Variants in RBFOX3 observed in about 807,000 individuals in gnomAD.
RBFOX3 encodes the protein RNA binding protein fox-1 homolog 3.
A neutral mutation model predicts 48.7 loss-of-function variants in RBFOX3; 17 were observed. The observed-to-expected ratio is 0.35, with a 90% CI of 0.24 to 0.52. The LOEUF is 0.52. RBFOX3 is among the 20% of genes least tolerant of loss of function. RBFOX3 has a pLI of 0.94. For synonymous variants in RBFOX3, 212 were observed against 209.5 expected (o/e 1.01, Z -0.10); for missense variants, 382 against 497.5 (o/e 0.77, Z 2.21).
At chr17:79,102,447 A>G (rs2076624059) in intron 8 of RBFOX3, among the ~76,000 whole-genome samples, 1 of 152,142 alleles carries the variant, frequency 6.6e-6, no homozygotes, top group South Asian at 2.1e-4. Flanking sequence ...GGGCTCTGTC[A>G]TGGTGGCTGG....
At chr17:79,169,014 A>G (rs9908233) in intron 4 of RBFOX3, among the ~76,000 whole-genome samples, 8,842 of 152,244 alleles carry the variant, frequency 0.058, 279 homozygotes, top group East Asian at 0.17. Context: ...AAACACGCAC[A>G]CTGGCTCTCG....
chr17:79,106,660 T>A lies in RBFOX3; in HGVS notation c.351A>T (p.Gln117His), dbSNP rs1030970508. The A allele has an allele frequency of 6.8e-7, 1 of 1,479,904 alleles. No individual in the cohort carries two copies. The highest frequency in any genetic ancestry group is 1.5e-5 in the African/African-American group (1 of 67,786). The allele number at this position is 1,479,904 out of a possible 1,614,324, so 91.7% of individuals were successfully genotyped here. A position where few individuals can be genotyped will look rare whatever the true frequency, so the allele number is the denominator to read the frequency against. ...GGCCGCGCACACTCACCCCGAACAT[T>A]TGCCGCAAGTCGGGGTCCCTGAACC... ...PFRFRDPDLRQMFGQFGKILD... is the reference protein window; with the variant it reads ...PFRFRDPDLRHMFGQFGKILD... The change falls in exon 6 of 15, where the codon CAA (glutamine) becomes CAT (histidine). Residue 117 changes from glutamine to histidine, a missense_variant. By Grantham distance (24) the Gln-to-His change is conservative (BLOSUM62 0). This residue lies in a region of RBFOX3 where 49 missense variants were observed against 110.7 expected (regional missense o/e 0.44). Coordinates refer to ENST00000693108, the MANE Select transcript of RBFOX3 (RefSeq NM_001350451.2).
intron 1 of RBFOX3, among the ~76,000 whole-genome samples, chr17:79,539,349 C>T (rs539802019): frequency 6.6e-6 from 1 of 152,160 alleles, no homozygotes; most frequent in South Asian, 2.1e-4. Flanking sequence ...GAGACCTTGT[C>T]TCAAAGATAA....
intron 3 of RBFOX3, among the ~76,000 whole-genome samples, chr17:79,281,489 C>T (rs1031517850): frequency 4.0e-5 from 6 of 151,734 alleles, no homozygotes; most frequent in African/African-American, 9.7e-5. Context: ...GAAGGAGCCA[C>T]GGGCTTGTGG....
chr17:79,493,922 G>T (rs35103349), intron 1 of RBFOX3, among the ~76,000 whole-genome samples: 1 of 151,888 alleles, frequency 6.6e-6, no homozygotes, highest in Non-Finnish European at 1.5e-5. Flanking sequence ...TGGGGGAGGA[G>T]GTGGAGAAGG....
At chr17:79,512,290 GGGTAC>G in intron 1 of RBFOX3, among the ~76,000 whole-genome samples, 1 of 133,416 alleles carries the variant, frequency 7.5e-6, no homozygotes, top group African/African-American at 2.8e-5. Flanking sequence ...TATTACCATC[GGGTAC>G]AGCCCCATGG....
chr17:79,135,134 T>A (rs1266730163), intron 4 of RBFOX3: 2 of 152,230 alleles, frequency 1.3e-5, no homozygotes, highest in African/African-American at 4.8e-5. Context: ...GGGCAGCAGG[T>A]GCTCTCTGCT....
At chr17:79,456,757 G>A (rs2074565976) in intron 2 of RBFOX3, among the ~76,000 whole-genome samples, 1 of 152,152 alleles carries the variant, frequency 6.6e-6, no homozygotes, top group Non-Finnish European at 1.5e-5. Context: ...GCCTGCCTCT[G>A]CCCACCCTGG....
At chr17:79,605,816 T>C (rs2093816396) in intron 1 of RBFOX3, among the ~76,000 whole-genome samples, 1 of 152,176 alleles carries the variant, frequency 6.6e-6, no homozygotes, top group South Asian at 2.1e-4. Context: ...CAACTCAAGT[T>C]GACGCCAGCA....
chr17:79,612,616 C>T (rs1271050510), upstream of RBFOX3, among the ~76,000 whole-genome samples: 3 of 152,214 alleles, frequency 2.0e-5, no homozygotes, highest in African/African-American at 7.2e-5. Context: ...TATACAATTC[C>T]AAGCATACAG....
chr17:79,439,973 G>C (rs532320803), intron 2 of RBFOX3, among the ~76,000 whole-genome samples: 7 of 152,316 alleles, frequency 4.6e-5, no homozygotes, highest in African/African-American at 1.7e-4. Context: ...GAAGGAGGAC[G>C]CAGGAATGGC....
chr17:79,368,189 T>G (rs1352670834), intron 2 of RBFOX3, among the ~76,000 whole-genome samples: 1 of 152,194 alleles, frequency 6.6e-6, no homozygotes, highest in Non-Finnish European at 1.5e-5. Flanking sequence ...CAGAACAACT[T>G]TTCCCCTCTC....
At chr17:79,408,444 A>C (rs1432674774) in intron 2 of RBFOX3, among the ~76,000 whole-genome samples, 4 of 152,212 alleles carry the variant, frequency 2.6e-5, no homozygotes, top group African/African-American at 9.6e-5. Context: ...AGATCTGAGC[A>C]GGATGGGGGC....
Position 79,405,847 on chromosome 17 carries a change from A to C in RBFOX3, c.-175+76607T>G, listed in dbSNP as rs1598553736. Among the ~76,000 whole-genome samples, 4 of 152,272 alleles carry C rather than the reference A, an allele frequency of 2.6e-5. No homozygotes were observed. The South Asian group carries it at 8.3e-4, about 32-fold the overall frequency. On this transcript the variant is annotated intron_variant, in intron 2 of 14. Coordinates refer to ENST00000693108, the MANE Select transcript of RBFOX3 (RefSeq NM_001350451.2). ...AGTCCCCTCATGCCCCTCCCCAGCC[A>C]TTCCCACCTCCAGCCCCCAGGGCAA... is the stretch of plus-strand genomic sequence containing the variant.
chr17:79,448,863 G>T (rs2072898149), intron 2 of RBFOX3, among the ~76,000 whole-genome samples: 1 of 152,166 alleles, frequency 6.6e-6, no homozygotes, highest in Admixed American at 6.5e-5. Flanking sequence ...AGGGAAAACA[G>T]CCCCCAGACC....
chr17:79,461,574 G>C (rs369118677), intron 2 of RBFOX3, among the ~76,000 whole-genome samples: 4 of 152,164 alleles, frequency 2.6e-5, no homozygotes, highest in Non-Finnish European at 4.4e-5. Context: ...ACAGGGTCTC[G>C]GCACACTGCC....
At chr17:79,119,242 G>C (rs2035039733) in intron 4 of RBFOX3, among the ~76,000 whole-genome samples, 1 of 152,194 alleles carries the variant, frequency 6.6e-6, no homozygotes, top group Admixed American at 6.5e-5. Context: ...GGGCATCTGT[G>C]GTGGGCAAGA....
intron 3 of RBFOX3, among the ~76,000 whole-genome samples, chr17:79,292,823 A>T (rs1192905394): frequency 1.3e-5 from 2 of 152,322 alleles, no homozygotes; most frequent in East Asian, 3.9e-4. Context: ...TTGGGGGAAA[A>T]AATCACCCAT....
Position 79,556,356 on chromosome 17 carries a change from T to C in RBFOX3, c.-320+54470A>G, listed in dbSNP as rs1031555788. On this transcript the variant is annotated intron_variant, in intron 1 of 14. Coordinates refer to ENST00000693108, the MANE Select transcript of RBFOX3 (RefSeq NM_001350451.2). Reference sequence around the variant, plus strand: ...TAAGGCAAAATAGACAGCAGTTCCATTCGGTGGCAGGAGGAGGAGTGCCCG... The same window carrying C: ...TAAGGCAAAATAGACAGCAGTTCCACTCGGTGGCAGGAGGAGGAGTGCCCG... Among the ~76,000 whole-genome samples the C allele has an allele frequency of 5.7e-4, 87 of 152,254 alleles. 3 individuals are homozygous for C. The South Asian group carries it at 0.018, about 31-fold the overall frequency.
Sources: allele counts gnomAD v4.1 joint callset (sites outside exome capture counted in the v4.1 genomes callset), GRCh38; gene constraint gnomAD v4.1.1; regional missense constraint gnomAD v4.1.1; transcripts MANE v1.5; gene names NCBI Gene and HGNC (gene_info 2026-07-23, HGNC 2026-07-21).